Variants in COMMD1 observed in about 807,000 individuals in gnomAD.
The protein encoded by COMMD1 is COMM domain-containing protein 1.
A neutral mutation model predicts 17.2 loss-of-function variants in COMMD1; 10 were observed. The observed-to-expected ratio is 0.58, with a 90% CI of 0.36 to 0.99. The LOEUF (loss-of-function observed/expected upper bound fraction) is 0.99. COMMD1 is among the 50% of genes least tolerant of loss of function. The probability of loss-of-function intolerance (pLI) is 0.01; values close to 1 mark genes in which losing one functional copy is unlikely to be tolerated. For synonymous variants in COMMD1, 97 were observed against 91.6 expected (o/e 1.06, Z -0.34); for missense variants, 270 against 231.8 (o/e 1.17, Z -1.07).
chr2:62,132,592 TC>T (rs944331913), intron 2 of COMMD1, among the ~76,000 whole-genome samples: 1 of 152,162 alleles, frequency 6.6e-6, no homozygotes, highest in Admixed American at 6.5e-5. Flanking sequence ...ACGCCTGTAA[TC>T]CCAGCTCTTT....
chr2:61,989,000 G>T (rs1672176122), intron 1 of COMMD1, among the ~76,000 whole-genome samples: 2 of 152,212 alleles, frequency 1.3e-5, no homozygotes, highest in South Asian at 4.1e-4. Context: ...CTACTTGGCT[G>T]CTGCTAGCGG....
At chr2:62,123,787 GGTT>G in intron 2 of COMMD1, among the ~76,000 whole-genome samples, 1 of 151,950 alleles carries the variant, frequency 6.6e-6, no homozygotes, top group East Asian at 1.9e-4. Context: ...CAGACTACAT[GGTT>G]CATTCTTCCT....
At chr2:61,963,574 C>A (rs1369749306) in intron 1 of COMMD1, among the ~76,000 whole-genome samples, 1 of 152,130 alleles carries the variant, frequency 6.6e-6, no homozygotes, top group Non-Finnish European at 1.5e-5. Flanking sequence ...GAACTCCTGA[C>A]CTCAGGTGAT....
At chr2:62,035,711 G>A (rs1670019012) in intron 2 of COMMD1, among the ~76,000 whole-genome samples, 2 of 141,270 alleles carry the variant, frequency 1.4e-5, no homozygotes, top group Admixed American at 1.5e-4. Flanking sequence ...CTGCACTCCA[G>A]CCTGTGCAAC....
intron 1 of COMMD1, among the ~76,000 whole-genome samples, chr2:61,897,441 G>T (rs993597562): frequency 5.3e-5 from 8 of 152,094 alleles, no homozygotes; most frequent in Admixed American, 3.9e-4. Context: ...CCCTAAGATG[G>T]GAAGGGGAAA....
intron 2 of COMMD1, among the ~76,000 whole-genome samples, chr2:62,073,862 T>C (rs1282824507): frequency 6.6e-6 from 1 of 152,186 alleles, no homozygotes; most frequent in Admixed American, 6.5e-5. Context: ...CATGCTTGGC[T>C]AATTTTTGTA....
chr2:62,126,448 T>C (rs1018889278), intron 2 of COMMD1, among the ~76,000 whole-genome samples: 2 of 152,208 alleles, frequency 1.3e-5, no homozygotes, highest in Non-Finnish European at 2.9e-5. Context: ...TTTCTTGACT[T>C]CTTAATAATT....
chr2:62,020,533 G>A (rs1416665229), intron 2 of COMMD1, among the ~76,000 whole-genome samples: 1 of 152,086 alleles, frequency 6.6e-6, no homozygotes, highest in Non-Finnish European at 1.5e-5. Context: ...TCTTTCAGTC[G>A]AAATGGGCAG....
At chr2:62,063,868 A>AATATATATATATAT (rs55740628) in intron 2 of COMMD1, among the ~76,000 whole-genome samples, 2,403 of 80,952 alleles carry the variant, frequency 0.03, 125 homozygotes, top group Non-Finnish European at 0.039. Flanking sequence ...GTCTCTACAA[A>AATATATATATATAT]ATATATATAT....
At chr2:61,892,708 A>AAG (rs1669462148) in intron 1 of COMMD1, among the ~76,000 whole-genome samples, 1 of 151,058 alleles carries the variant, frequency 6.6e-6, no homozygotes, top group African/African-American at 2.4e-5. Context: ...AAAAAAAAAA[A>AAG]GAAAAGAAAA....
chr2:61,911,684 G>C (rs571024476), intron 1 of COMMD1, among the ~76,000 whole-genome samples: 1 of 152,228 alleles, frequency 6.6e-6, no homozygotes, highest in South Asian at 2.1e-4. Flanking sequence ...TGGCCTTCCT[G>C]TTCCACTCCT....
chr2:61,958,577 A>G (rs986017730), intron 1 of COMMD1, among the ~76,000 whole-genome samples: 22 of 152,056 alleles, frequency 1.4e-4, no homozygotes, highest in Non-Finnish European at 2.8e-4. Flanking sequence ...ACAAATGTTT[A>G]TTTTTATTTA....
At chr2:61,891,068 A>G (rs1237588628) in intron 1 of COMMD1, among the ~76,000 whole-genome samples, 1 of 152,178 alleles carries the variant, frequency 6.6e-6, no homozygotes, top group African/African-American at 2.4e-5. Context: ...CTTATTAGCT[A>G]TGTGACCTAA....
chr2:61,905,643 C>A, upstream of COMMD1: 1 of 1,505,644 alleles, frequency 6.6e-7, no homozygotes, highest in Non-Finnish European at 8.9e-7. Context: ...TGGCGGGGCA[C>A]GGCTCAGCTG....
chr2:62,046,782 T>C (rs1386445870), intron 2 of COMMD1, among the ~76,000 whole-genome samples: 1 of 152,256 alleles, frequency 6.6e-6, no homozygotes, highest in Non-Finnish European at 1.5e-5. Context: ...AGTCACATTA[T>C]TCAGTTGTTT....
intron 1 of COMMD1, among the ~76,000 whole-genome samples, chr2:61,974,671 C>CAAAAA (rs1276306424): frequency 3.8e-5 from 2 of 52,304 alleles, no homozygotes; most frequent in Non-Finnish European, 4.0e-5. Flanking sequence ...GACTCCATCT[C>CAAAAA]AAAAAAAAAA....
chr2:61,903,986 T>A (rs1669714287), upstream of COMMD1, among the ~76,000 whole-genome samples: 1 of 152,180 alleles, frequency 6.6e-6, no homozygotes, highest in Non-Finnish European at 1.5e-5. Context: ...CTCTATTTTA[T>A]ATAGAAACAC....
intron 1 of COMMD1, among the ~76,000 whole-genome samples, chr2:61,974,454 A>G (rs1671737463): frequency 6.6e-6 from 1 of 151,802 alleles, no homozygotes; most frequent in African/African-American, 2.4e-5. Context: ...CAGGTGGATC[A>G]CTAGGTCAGG....
chr2:62,035,743 TA>T (rs763075178), intron 2 of COMMD1, among the ~76,000 whole-genome samples: 11,016 of 95,018 alleles, frequency 0.12, 1,263 homozygotes, highest in African/African-American at 0.32. Flanking sequence ...CTGTCTCAAT[TA>T]AAAAAAAAAA....
Sources: gnomAD v4.1 joint callset for allele counts (sites outside exome capture counted in the v4.1 genomes callset) on GRCh38, gnomAD v4.1.1 for gene constraint, MANE v1.5 for transcripts, NCBI Gene and HGNC (gene_info 2026-07-23, HGNC 2026-07-21) for gene names.